The following PLEKHH2 variants were observed in gnomAD, a reference collection of about 807,000 sequenced individuals.
PLEKHH2 encodes pleckstrin homology domain-containing family H member 2.
In PLEKHH2, 129 loss-of-function variants were observed where a neutral mutation model predicts 187.9. The ratio of observed to expected loss-of-function variants is 0.69; its 90% CI spans 0.59 to 0.79. PLEKHH2 has a LOEUF of 0.79. Among genes scored for constraint, PLEKHH2 ranks in the 30% least tolerant of loss-of-function variants. PLEKHH2 has a pLI of 0.00. For missense variants in PLEKHH2, 2,076 were observed against 1,751.2 expected (o/e 1.19, Z -3.31); for synonymous variants, 686 against 605.6 (o/e 1.13, Z -1.95).
At chr2:43,675,628 T>C (rs1271961695) in intron 2 of PLEKHH2, 1 of 1,613,850 alleles carries the variant, frequency 6.2e-7, no homozygotes, top group Admixed American at 1.7e-5. Context: ...CTCTGCATTT[T>C]CTGCATGAAC....
At chr2:43,647,892 T>C (rs867636708) in intron 2 of PLEKHH2, among the ~76,000 whole-genome samples, 2 of 152,214 alleles carry the variant, frequency 1.3e-5, no homozygotes, top group South Asian at 2.1e-4. Flanking sequence ...TTATTAGTTA[T>C]GGCTATAGGA....
chr2:43,738,311 C>T, intron 19 of PLEKHH2, 30 bp from the exon 20 acceptor site: 1 of 1,567,366 alleles, frequency 6.4e-7, no homozygotes, highest in South Asian at 1.2e-5. Flanking sequence ...CACTCCTCAC[C>T]TTGAATATAT....
chr2:43,654,420 C>A (rs1020125228), intron 2 of PLEKHH2, among the ~76,000 whole-genome samples: 2 of 152,004 alleles, frequency 1.3e-5, no homozygotes, highest in Admixed American at 1.3e-4. Context: ...TGGTCTCGAT[C>A]TCTTGACCTT....
chr2:43,728,606 G>T (rs1335888609), intron 17 of PLEKHH2, among the ~76,000 whole-genome samples: 1 of 147,618 alleles, frequency 6.8e-6, no homozygotes, highest in Non-Finnish European at 1.5e-5. Context: ...CTGTTGCCCA[G>T]GCTGGAGTGC....
chr2:43,665,923 TTTTG>T (rs1667177585), intron 2 of PLEKHH2, among the ~76,000 whole-genome samples: 1 of 121,952 alleles, frequency 8.2e-6, no homozygotes, highest in Non-Finnish European at 1.8e-5. Context: ...ACTGCTGTCT[TTTTG>T]TTTGTCTGTG....
At position 43,753,664 on chromosome 2, in the gene PLEKHH2, G is replaced by A; in HGVS notation, c.3699G>A (p.Lys1233=). The change falls in exon 25 of 30, where the codon AAG becomes AAA. Residue 1233 remains lysine (K), a synonymous_variant. Transcript: ENST00000282406. ...VQARGETDRE[K]LLLMYQTNDQ... Reference sequence around the variant, plus strand: ...CTCGTGGAGAGACTGATAGAGAAAAGTTGCTGTTAATGTATCAGACAAATG... The same window carrying A: ...CTCGTGGAGAGACTGATAGAGAAAAATTGCTGTTAATGTATCAGACAAATG... 1 of 1,573,920 alleles carries A rather than the reference G, an allele frequency of 6.4e-7. No homozygotes were observed. The highest frequency in any genetic ancestry group is 8.6e-7 in the Non-Finnish European group (1 of 1,163,022).
chr2:43,691,438 G>T (rs1361355469), intron 3 of PLEKHH2, among the ~76,000 whole-genome samples: 1 of 152,158 alleles, frequency 6.6e-6, no homozygotes, highest in East Asian at 1.9e-4. Context: ...CTCAAAAGTG[G>T]GCATGATAGT....
intron 2 of PLEKHH2, among the ~76,000 whole-genome samples, chr2:43,653,828 GA>G (rs147743688): frequency 6.6e-6 from 1 of 151,790 alleles, no homozygotes; most frequent in Non-Finnish European, 1.5e-5. Context: ...TTAACTCTAG[GA>G]AAAAAAAGAC....
Position 43,729,762 on chromosome 2 carries a change from A to G in PLEKHH2, c.2830+17A>G. ...GGGAGCCTTGTAAGTTCATAAACAT[A>G]TAAATAAAGCTTTATGGTTAATGAA... On this transcript the variant is annotated intron_variant, in intron 18 of 29. Coordinates refer to ENST00000282406, the MANE Select transcript of PLEKHH2 (RefSeq NM_172069.4). 2.0e-6 allele frequency: 3 copies of G among 1,533,210 alleles called. No homozygotes were observed. The South Asian group carries it at 3.6e-5, about 18-fold the overall frequency. The allele number at this position is 1,533,210 out of a possible 1,614,324, so 95.0% of individuals were successfully genotyped here.
At chr2:43,765,135 G>C (rs1672571965) in intron 29 of PLEKHH2, among the ~76,000 whole-genome samples, 1 of 152,164 alleles carries the variant, frequency 6.6e-6, no homozygotes, top group South Asian at 2.1e-4. Flanking sequence ...ATGATAATTT[G>C]ATAGAGTTCT....
At chr2:43,698,131 A>G (rs73923834) in intron 7 of PLEKHH2, among the ~76,000 whole-genome samples, 100 of 152,300 alleles carry the variant, frequency 6.6e-4, no homozygotes, top group African/African-American at 2.3e-3. Flanking sequence ...AAAGTATAAC[A>G]GTAAAAGTTG....
At chr2:43,755,903 A>G (rs948402201) in intron 25 of PLEKHH2, among the ~76,000 whole-genome samples, 2 of 152,208 alleles carry the variant, frequency 1.3e-5, no homozygotes, top group Non-Finnish European at 2.9e-5. Flanking sequence ...CTGAGCCTGG[A>G]AACTGGCACA....
intron 25 of PLEKHH2, 88 bp from the exon 26 acceptor site, chr2:43,757,031 A>T: frequency 9.5e-7 from 1 of 1,053,580 alleles, no homozygotes; most frequent in Non-Finnish European, 1.3e-6. Context: ...ATGTGTTAAA[A>T]AAGAATGTTT....
intron 1 of PLEKHH2, among the ~76,000 whole-genome samples, chr2:43,641,547 A>G (rs1233256717): frequency 6.6e-6 from 1 of 151,484 alleles, no homozygotes; most frequent in African/African-American, 2.4e-5. Context: ...AGTGTATTTT[A>G]TGTGTGGCTC....
chr2:43,736,902 G>A (rs1671323834), intron 19 of PLEKHH2, among the ~76,000 whole-genome samples: 1 of 152,112 alleles, frequency 6.6e-6, no homozygotes, highest in African/African-American at 2.4e-5. Context: ...AGAGATTCGT[G>A]TTTTCATCTG....
intron 2 of PLEKHH2, among the ~76,000 whole-genome samples, chr2:43,657,129 C>T (rs954957134): frequency 2.0e-5 from 3 of 152,214 alleles, no homozygotes; most frequent in Non-Finnish European, 4.4e-5. Flanking sequence ...CTCTGTTTGG[C>T]ATTGAATGGG....
At chr2:43,754,618 A>G (rs953887516) in intron 25 of PLEKHH2, among the ~76,000 whole-genome samples, 2 of 152,148 alleles carry the variant, frequency 1.3e-5, no homozygotes, top group African/African-American at 2.4e-5. Context: ...TGGTCATAAG[A>G]TGCAACCCAT....
At chr2:43,644,625 A>C in intron 1 of PLEKHH2, 46 bp from the exon 2 acceptor site, 1 of 1,383,720 alleles carries the variant, frequency 7.2e-7, no homozygotes, top group Non-Finnish European at 9.8e-7. Flanking sequence ...GTAGCATTTG[A>C]ATGTTTTACT....
intron 15 of PLEKHH2, among the ~76,000 whole-genome samples, chr2:43,715,617 T>C (rs1043219395): frequency 6.6e-6 from 1 of 152,114 alleles, no homozygotes; most frequent in South Asian, 2.1e-4. Flanking sequence ...ATTTAAATAA[T>C]GGTAAGAGGT....
Sources: allele counts gnomAD v4.1 joint callset (sites outside exome capture counted in the v4.1 genomes callset), GRCh38; gene constraint gnomAD v4.1.1; transcripts MANE v1.5; gene names NCBI Gene and HGNC (gene_info 2026-07-23, HGNC 2026-07-21).